Variants in SEPTIN9 observed in about 807,000 individuals in gnomAD.
The protein encoded by SEPTIN9 is septin 9, also known as septin-9.
In SEPTIN9, 13 loss-of-function variants were observed where a neutral mutation model predicts 56.6. That is an observed-to-expected ratio of 0.23 (90% CI 0.15 to 0.37). SEPTIN9 has a LOEUF of 0.37. Among genes scored for constraint, SEPTIN9 ranks in the 10% least tolerant of loss-of-function variants. The probability of loss-of-function intolerance (pLI) is 1.00; values close to 1 mark genes in which losing one functional copy is unlikely to be tolerated. For synonymous variants in SEPTIN9, 332 were observed against 334.1 expected (o/e 0.99, Z 0.07); for missense variants, 650 against 823.1 (o/e 0.79, Z 2.57).
At chr17:77,382,081 G>A (rs190796967) in intron 2 of SEPTIN9, among the ~76,000 whole-genome samples, 117 of 151,986 alleles carry the variant, frequency 7.7e-4, no homozygotes, top group African/African-American at 2.8e-3. Flanking sequence ...AGGCTGCAGT[G>A]CAGTGGCGTG....
rs2036051998 is a variant in SEPTIN9 at position 77,405,911 on chromosome 17, TC to T, written c.721+3209del. On this transcript the variant is annotated intron_variant, in intron 3 of 11. Transcript: ENST00000427177. This position sits in a 1 kb window ranked among gnomAD's most constrained non-coding sequence, Gnocchi z 5.8. ...CCGACATGCACAGCTCTGACCAATCTCTGCGGCCCCTCTGTCCCCCGAGCAC... is the reference window on the plus strand; with the variant it reads ...CCGACATGCACAGCTCTGACCAATCTTGCGGCCCCTCTGTCCCCCGAGCAC... Among the ~76,000 whole-genome samples the T allele has an allele frequency of 6.6e-6, 1 of 152,060 alleles. No individual in the cohort carries two copies. Among genetic ancestry groups the T allele is most frequent in the South Asian group, 2.1e-4 (1 of 4,820 alleles).
Position 77,498,676 on chromosome 17 carries a change from C to CCCCGGGTT in SEPTIN9, c.*20_*21insCGGGTTCC. On this transcript the variant is annotated 3_prime_UTR_variant, in exon 12 of 12. Coordinates refer to ENST00000427177, the MANE Select transcript of SEPTIN9 (RefSeq NM_001113491.2). The stretch of plus-strand genomic sequence containing the variant: ...AGATGTAGACGCCACCCTGCCCACC[C>CCCCGGGTT]CCGGGATCCTGCCCCCAAGTCATTT... The CCCCGGGTT allele has an allele frequency of 1.3e-6, 2 of 1,525,764 alleles. No homozygotes were observed. The highest frequency in any genetic ancestry group is 2.3e-5 in the South Asian group (2 of 86,070). The allele number at this position is 1,525,764 out of a possible 1,614,324, so 94.5% of individuals were successfully genotyped here.
Position 77,341,058 on chromosome 17 carries a change from G to C in SEPTIN9, c.76+33861G>C, listed in dbSNP as rs146686353. ...AAACTTTCTTCATATCAGCATTAAG[G>C]CTGTTTTGCTTTCTTCTTCTTCATG... On this transcript the variant is annotated intron_variant, in intron 2 of 11. Coordinates refer to ENST00000427177, the MANE Select transcript of SEPTIN9 (RefSeq NM_001113491.2). Among the ~76,000 whole-genome samples, 302 of 152,280 alleles carry C rather than the reference G, an allele frequency of 2.0e-3. 2 individuals are homozygous for C. Among genetic ancestry groups the C allele is most frequent in the Middle Eastern group, 6.8e-3 (2 of 294 alleles).
At position 77,331,064 on chromosome 17, in the gene SEPTIN9, A is replaced by G. The variant is rs143950099; in HGVS notation, c.76+23867A>G. Reference sequence around the variant, plus strand: ...TGCTGTTGACAATAATTAAAGAACTACGGCTTCAGGCTGGGTACAGTGGCT... The same window carrying G: ...TGCTGTTGACAATAATTAAAGAACTGCGGCTTCAGGCTGGGTACAGTGGCT... On this transcript the variant is annotated intron_variant, in intron 2 of 11. Coordinates refer to ENST00000427177, the MANE Select transcript of SEPTIN9 (RefSeq NM_001113491.2). Among the ~76,000 whole-genome samples the G allele has an allele frequency of 4.0e-3, 616 of 152,268 alleles. 6 individuals are homozygous for G. The highest frequency in any genetic ancestry group is 0.013 in the South Asian group (62 of 4,818).
At position 77,438,898 on chromosome 17, in the gene SEPTIN9, TC is replaced by T. The variant is rs543486804; in HGVS notation, c.721+36196del. On this transcript the variant is annotated intron_variant, in intron 3 of 11. Transcript: ENST00000427177. The stretch of plus-strand genomic sequence containing the variant: ...CTGGGCTCCTCTGGACTGCTCCAGT[TC>T]TGCAATCATAGGAAAGGTCTCCCAT... 3.1e-4 allele frequency among the ~76,000 whole-genome samples: 47 copies of T among 152,348 alleles called. 1 individual carries two copies. Among genetic ancestry groups the T allele is most frequent in the Admixed American group, 1.5e-3 (23 of 15,306 alleles).
At chr17:77,397,812 GC>G (rs1342672298) in intron 2 of SEPTIN9, among the ~76,000 whole-genome samples, 2 of 152,098 alleles carry the variant, frequency 1.3e-5, no homozygotes, top group African/African-American at 4.8e-5. Context: ...CCCATGCCTA[GC>G]TAATTTTTTG....
intron 2 of SEPTIN9, among the ~76,000 whole-genome samples, chr17:77,380,729 G>A (rs1167781382): frequency 6.6e-6 from 1 of 152,158 alleles, no homozygotes; most frequent in Non-Finnish European, 1.5e-5. Context: ...GGTCATCTGA[G>A]TGTAGGTTGC....
Position 77,498,672 on chromosome 17 carries a change from C to CCCCCCCCGGGGCCTG in SEPTIN9, c.*14_*15insCCCCCCCGGGGCCTG. 6.4e-7 allele frequency: 1 copy of CCCCCCCCGGGGCCTG among 1,550,432 alleles called. No homozygotes were observed. Among genetic ancestry groups the CCCCCCCCGGGGCCTG allele is most frequent in the Non-Finnish European group, 8.7e-7 (1 of 1,148,308 alleles). On this transcript the variant is annotated 3_prime_UTR_variant, in exon 12 of 12. Transcript: ENST00000427177. ...CCGGAGATGTAGACGCCACCCTGCCCACCCCCGGGATCCTGCCCCCAAGTC... is the reference window on the plus strand; with the variant it reads ...CCGGAGATGTAGACGCCACCCTGCCCCCCCCCCGGGGCCTGACCCCCGGGATCCTGCCCCCAAGTC...
At position 77,400,381 on chromosome 17, in the gene SEPTIN9, G is replaced by C. The variant is rs1318416688; in HGVS notation, c.77-1678G>C. On this transcript the variant is annotated intron_variant, in intron 2 of 11. Coordinates refer to ENST00000427177, the MANE Select transcript of SEPTIN9 (RefSeq NM_001113491.2). This position sits in a 1 kb window ranked among gnomAD's most constrained non-coding sequence, Gnocchi z 4.1. ...ACTGAGAGTTCTCTGGAGTCCACACGGCTCCTTGCCCAGCTTCTGGTGGAG... is the reference window on the plus strand; with the variant it reads ...ACTGAGAGTTCTCTGGAGTCCACACCGCTCCTTGCCCAGCTTCTGGTGGAG... Among the ~76,000 whole-genome samples, 1 of 152,164 alleles carries C rather than the reference G, an allele frequency of 6.6e-6. No homozygotes were observed. The highest frequency in any genetic ancestry group is 1.5e-5 in the Non-Finnish European group (1 of 68,028).
intron 3 of SEPTIN9, among the ~76,000 whole-genome samples, chr17:77,418,631 C>T (rs1048672498): frequency 2.0e-5 from 3 of 151,752 alleles, no homozygotes; most frequent in Non-Finnish European, 4.4e-5. Context: ...GTGTGAGCCG[C>T]CACGCCCAGC....
At chr17:77,332,186 A>T (rs924326394) in intron 2 of SEPTIN9, among the ~76,000 whole-genome samples, 1 of 152,102 alleles carries the variant, frequency 6.6e-6, no homozygotes, top group Non-Finnish European at 1.5e-5. Context: ...TTGAGGTGAG[A>T]GGATTGCTTG....
At chr17:77,348,563 G>C (rs1037659268) in intron 2 of SEPTIN9, among the ~76,000 whole-genome samples, 1 of 152,078 alleles carries the variant, frequency 6.6e-6, no homozygotes, top group Admixed American at 6.5e-5. Flanking sequence ...GCCTCCCAAA[G>C]TGCTGGGATT....
intron 4 of SEPTIN9, among the ~76,000 whole-genome samples, chr17:77,485,034 A>T (rs1438455248): frequency 3.5e-4 from 2 of 5,634 alleles, no homozygotes; most frequent in Non-Finnish European, 8.5e-4. Flanking sequence ...ATGGTGGTGA[A>T]GGGGGTGATG....
chr17:77,361,229 C>T (rs1193335431), intron 2 of SEPTIN9, among the ~76,000 whole-genome samples: 3 of 152,052 alleles, frequency 2.0e-5, no homozygotes, highest in African/African-American at 7.3e-5. Context: ...GGGCCTCTTT[C>T]GTTCTTTCTT....
intron 10 of SEPTIN9, 166 bp downstream of exon 10, chr17:77,493,242 G>A: frequency 1.6e-6 from 1 of 637,704 alleles, no homozygotes; most frequent in Non-Finnish European, 2.8e-6. Flanking sequence ...CCTTGGGAAA[G>A]TGAGAGGGCA....
intron 10 of SEPTIN9, among the ~76,000 whole-genome samples, chr17:77,494,893 G>A (rs969117112): frequency 9.9e-5 from 15 of 152,196 alleles, no homozygotes; most frequent in South Asian, 2.1e-4. Context: ...CCCACCCTGC[G>A]GGAGCTGCCC....
chr17:77,379,383 AGCGT>A (rs1459095888), intron 2 of SEPTIN9, among the ~76,000 whole-genome samples: 65 of 151,838 alleles, frequency 4.3e-4, no homozygotes, highest in African/African-American at 1.5e-3. Context: ...GGTGGTGGAG[AGCGT>A]GCATGGTGGC....
At chr17:77,423,110 A>G (rs2036763278) in intron 3 of SEPTIN9, among the ~76,000 whole-genome samples, 1 of 152,026 alleles carries the variant, frequency 6.6e-6, no homozygotes, top group Non-Finnish European at 1.5e-5. Flanking sequence ...ATATCCACTC[A>G]TGGCAACCTC....
Position 77,456,510 on chromosome 17 carries a change from T to TGGGCCCCACAGGCAC in SEPTIN9, c.722-25633_722-25619dup, listed in dbSNP as rs1029797863. ...AGCACCAGGTCCCCACCACCAGGTA[T>TGGGCCCCACAGGCAC]GGGCCCCACAGGCACTACTGGCTCC... On this transcript the variant is annotated intron_variant, in intron 3 of 11. Coordinates refer to ENST00000427177, the MANE Select transcript of SEPTIN9 (RefSeq NM_001113491.2). The surrounding 1 kb of genome is among the most constrained non-coding windows in gnomAD (Gnocchi z 6.0). 6.6e-6 allele frequency: 1 copy of TGGGCCCCACAGGCAC among 152,556 alleles called. No homozygotes were observed. The highest frequency in any genetic ancestry group is 6.5e-5 in the Admixed American group (1 of 15,284). 9.5% of individuals were successfully genotyped at this position (152,556 alleles called of 1,614,324 possible).
Sources: gnomAD v4.1 joint callset for allele counts (sites outside exome capture counted in the v4.1 genomes callset) on GRCh38, gnomAD v4.1.1 for gene constraint, Gnocchi (gnomAD v3.1) non-coding constraint, MANE v1.5 for transcripts, NCBI Gene and HGNC (gene_info 2026-07-23, HGNC 2026-07-21) for gene names.